Variants in NRK observed in about 807,000 individuals in gnomAD.
NRK encodes nik-related protein kinase.
Under a neutral mutation model 125.2 loss-of-function variants are expected in NRK, and 67 were observed. The observed-to-expected ratio is 0.54, with a 90% CI of 0.44 to 0.66. The LOEUF is 0.66. Among genes scored for constraint, NRK ranks in the 30% least tolerant of loss-of-function variants. The pLI, the probability that NRK is intolerant of heterozygous loss-of-function variation, is 0.00. For missense variants in NRK, 1,224 were observed against 1,192.9 expected, an observed-to-expected ratio of 1.03 and a Z score of -0.38; for synonymous variants, 458 against 429.0, an observed-to-expected ratio of 1.07 and a Z score of -0.84.
intron 18 of NRK, 86 bp from the exon 19 acceptor site, chrX:105,924,609 A>T: frequency 1.3e-6 from 1 of 745,075 alleles, no homozygotes; most frequent in South Asian, 2.6e-5. Flanking sequence ...TATGTATAAG[A>T]CACATCCTAA....
intron 2 of NRK, among the ~76,000 whole-genome samples, chrX:105,879,685 G>T (rs2087839526): frequency 9.0e-6 from 1 of 111,356 alleles, no homozygotes; most frequent in Admixed American, 9.6e-5. Flanking sequence ...TGGAGATAAT[G>T]CATGGCTAAT....
chrX:105,837,305 A>G lies in NRK; in HGVS notation c.123+6186A>G, dbSNP rs1052467919. Among the ~76,000 whole-genome samples the G allele has an allele frequency of 3.6e-5, 4 of 111,963 alleles. No individual in the cohort carries two copies. The East Asian group carries it at 1.1e-3, about 31-fold the overall frequency. On this transcript the variant is annotated intron_variant, in intron 2 of 28. Coordinates refer to ENST00000243300, the MANE Select transcript of NRK (RefSeq NM_198465.4). The stretch of plus-strand genomic sequence containing the variant: ...TGTATTAGACAGTACCAAATGTTGC[A>G]TAAATAACCTGTACTGCAAAATAGA...
At chrX:105,904,727 G>A (rs773247981) in intron 9 of NRK, among the ~76,000 whole-genome samples, 10 of 111,255 alleles carry the variant, frequency 9.0e-5, no homozygotes, top group African/African-American at 2.6e-4. Flanking sequence ...AGGTTTGAAC[G>A]CAGATGATCT....
At chrX:105,935,473 A>G (rs1569317259) in intron 21 of NRK, 148 bp downstream of exon 21, 3 of 396,708 alleles carry the variant, frequency 7.6e-6, no homozygotes, top group Non-Finnish European at 1.2e-5. Context: ...GGTTTTGCTG[A>G]TTTTTTTTTT....
chrX:105,918,982 T>C (rs912399771), intron 16 of NRK, among the ~76,000 whole-genome samples: 2 of 84,922 alleles, frequency 2.4e-5, no homozygotes, highest in African/African-American at 4.7e-5. Context: ...ACCAAAAGAC[T>C]TAAAAGAAAA....
In NRK at chrX:105,909,069, G is replaced by T. The variant is rs766308277; in HGVS notation, c.1428G>T (p.Arg476Ser). 2 of 1,210,942 alleles carry T rather than the reference G, an allele frequency of 1.7e-6. No homozygotes were observed. The highest frequency in any genetic ancestry group is 1.7e-5 in the African/African-American group (1 of 57,776). ...KAPPRLRRAA[R>S]VLMPLQAQVR... ...CTCCACGACTACGGAGGGCAGCCAGGGTGCTCATGCCACTACAGGCACAGG... is the reference window on the plus strand; with the variant it reads ...CTCCACGACTACGGAGGGCAGCCAGTGTGCTCATGCCACTACAGGCACAGG... Residue 476 changes from arginine to serine, a missense_variant, in exon 13 of 29, where the codon AGG (arginine) becomes AGT (serine). Transcript: ENST00000243300.
intron 2 of NRK, among the ~76,000 whole-genome samples, chrX:105,867,252 A>G (rs1401188306): frequency 9.0e-6 from 1 of 111,672 alleles, no homozygotes; most frequent in African/African-American, 3.3e-5. Context: ...TCTCAAAGCC[A>G]CATCCCACAG....
intron 16 of NRK, among the ~76,000 whole-genome samples, 197 bp from the exon 17 acceptor site, chrX:105,921,767 C>T (rs903210342): frequency 7.4e-5 from 8 of 108,836 alleles, no homozygotes; most frequent in African/African-American, 2.7e-4. Flanking sequence ...ACTTGAACCC[C>T]TGCTAATACC....
intron 2 of NRK, among the ~76,000 whole-genome samples, chrX:105,858,294 CAT>C (rs1160231330): frequency 1.8e-5 from 2 of 108,527 alleles, no homozygotes; most frequent in African/African-American, 6.7e-5. Context: ...TGTCAAAACT[CAT>C]AGAAATGCAC....
At chrX:105,885,525 A>G (rs898416064) in intron 4 of NRK, among the ~76,000 whole-genome samples, 1 of 112,613 alleles carries the variant, frequency 8.9e-6, no homozygotes, top group African/African-American at 3.2e-5. Flanking sequence ...TTGCATCTGT[A>G]TACACAAAAG....
At chrX:105,844,313 A>G (rs1266230210) in intron 2 of NRK, among the ~76,000 whole-genome samples, 1 of 110,659 alleles carries the variant, frequency 9.0e-6, no homozygotes, top group African/African-American at 3.3e-5. Context: ...GAGTCTGTGT[A>G]TATCCCAGCC....
rs190988667 is a variant in NRK at position 105,878,757 on chromosome X, C to T, written c.124-1442C>T. Among the ~76,000 whole-genome samples the T allele has an allele frequency of 3.6e-5, 4 of 111,307 alleles. No individual in the cohort carries two copies. In the East Asian group the frequency reaches 1.1e-3, roughly 32 times the overall value. On this transcript the variant is annotated intron_variant, in intron 2 of 28. Coordinates refer to ENST00000243300, the MANE Select transcript of NRK (RefSeq NM_198465.4). Reference sequence around the variant, plus strand: ...GCATGCTCCGCCCTAAACTGCTCACCCAATTCTGGACATTTCCTTGTGCCT... The same window carrying T: ...GCATGCTCCGCCCTAAACTGCTCACTCAATTCTGGACATTTCCTTGTGCCT...
At position 105,909,677 on chromosome X, in the gene NRK, A is replaced by G. The variant is rs35115195; in HGVS notation, c.2036A>G (p.Glu679Gly). The change falls in exon 13 of 29, where the codon GAA (glutamate) becomes GGA (glycine). Residue 679 changes from glutamate to glycine, a missense_variant. By Grantham distance (98) the Glu-to-Gly change is moderately conservative. Transcript: ENST00000243300. ...LSSNRFYSQP[E>G]QAREKKSKVS... ...TCAAATAGGTTTTACTCACAACCAG[A>G]ACAGGCACGGGAGAAAAAATCAAAA... 5.4e-5 allele frequency: 64 copies of G among 1,190,321 alleles called. No individual in the cohort carries two copies. In the East Asian group the frequency reaches 1.6e-3, roughly 30 times the overall value.
At position 105,900,635 on chromosome X, in the gene NRK, G is replaced by A. The variant is rs1348008507; in HGVS notation, c.729G>A (p.Val243=). Reference sequence around the variant, plus strand: ...CTTTGCAGAGTGATGTGTGGTCTGTGGGAATTACTGCCATTGAAATGGCTG... The same window carrying A: ...CTTTGCAGAGTGATGTGTGGTCTGTAGGAATTACTGCCATTGAAATGGCTG... The part of the protein sequence containing the change: ...SYDYRSDVWS[V]GITAIEMAEG... The change falls in exon 9 of 29, where the codon GTG becomes GTA. Residue 243 remains valine, a synonymous_variant. Coordinates refer to ENST00000243300, the MANE Select transcript of NRK (RefSeq NM_198465.4). The A allele has an allele frequency of 8.4e-7, 1 of 1,186,852 alleles. No homozygotes were observed. Among genetic ancestry groups the A allele is most frequent in the East Asian group, 3.0e-5 (1 of 33,541 alleles).
chrX:105,843,331 G>A (rs1216364303), intron 2 of NRK, among the ~76,000 whole-genome samples: 1 of 111,730 alleles, frequency 9.0e-6, no homozygotes, highest in Non-Finnish European at 1.9e-5. Context: ...TATACATATG[G>A]GTACTTGACA....
intron 1 of NRK, among the ~76,000 whole-genome samples, chrX:105,826,521 T>A (rs1304040609): frequency 9.6e-6 from 1 of 103,833 alleles, no homozygotes; most frequent in Non-Finnish European, 1.9e-5. Flanking sequence ...AGTATGGTAA[T>A]GACATTCCTC....
At chrX:105,868,721 G>GC (rs1483603550) in intron 2 of NRK, among the ~76,000 whole-genome samples, 1 of 55,555 alleles carries the variant, frequency 1.8e-5, no homozygotes, top group African/African-American at 6.4e-5. Flanking sequence ...CACTTCCCCC[G>GC]CCCCCCACCA....
intron 1 of NRK, among the ~76,000 whole-genome samples, chrX:105,829,655 T>C (rs1029387140): frequency 8.9e-6 from 1 of 111,879 alleles, no homozygotes; most frequent in African/African-American, 3.2e-5. Flanking sequence ...AAGATAAATA[T>C]GGAAGCCTCA....
chrX:105,845,228 A>G (rs2039385489), intron 2 of NRK, among the ~76,000 whole-genome samples: 1 of 112,148 alleles, frequency 8.9e-6, no homozygotes, highest in African/African-American at 3.2e-5. Context: ...AAAAGCTATG[A>G]GGGCAGGGAC....
Sources: gnomAD v4.1 joint callset for allele counts (sites outside exome capture counted in the v4.1 genomes callset) on GRCh38, gnomAD v4.1.1 for gene constraint, MANE v1.5 for transcripts, NCBI Gene and HGNC (gene_info 2026-07-23, HGNC 2026-07-21) for gene names.